The following PRR16 variants were observed in gnomAD, a reference collection of about 807,000 sequenced individuals.
PRR16 encodes proline rich 16, also known as protein Largen.
In PRR16, 6 loss-of-function variants were observed where a neutral mutation model predicts 18.2. That is an observed-to-expected ratio of 0.33 (90% CI 0.18 to 0.65). The LOEUF is 0.65. Ranked by LOEUF, PRR16 falls within the 30% of genes least tolerant of loss-of-function variation. PRR16 has a pLI of 0.74. For missense variants in PRR16, 412 were observed against 376.6 expected, an observed-to-expected ratio of 1.09 and a Z score of -0.78; for synonymous variants, 151 against 147.8, an observed-to-expected ratio of 1.02 and a Z score of -0.16.
chr5:120,485,896 G>A (rs181495527), intron 1 of PRR16, among the ~76,000 whole-genome samples: 10 of 152,050 alleles, frequency 6.6e-5, no homozygotes, highest in East Asian at 1.9e-4. Flanking sequence ...GAGAACATGC[G>A]ACATTTGGTT....
At chr5:120,554,609 G>C (rs549763346) in intron 1 of PRR16, among the ~76,000 whole-genome samples, 206 of 152,022 alleles carry the variant, frequency 1.4e-3, no homozygotes, top group Non-Finnish European at 2.4e-3. Flanking sequence ...ATGTAAATAA[G>C]AGAACTAGCA....
chr5:120,609,888 C>T (rs753760178), intron 1 of PRR16, among the ~76,000 whole-genome samples: 9 of 152,202 alleles, frequency 5.9e-5, no homozygotes, highest in Admixed American at 1.3e-4. Flanking sequence ...CTTTTTGCAC[C>T]GCACTTAGCT....
At chr5:120,793,400 C>T in the PRR16 span, among the ~76,000 whole-genome samples, 1 of 152,020 alleles carries the variant, frequency 6.6e-6, no homozygotes, top group South Asian at 2.1e-4. Context: ...TCCAGTGGCT[C>T]TAACCCAGTG....
the PRR16 span, among the ~76,000 whole-genome samples, chr5:120,734,524 G>A: frequency 6.9e-6 from 1 of 145,156 alleles, no homozygotes; most frequent in Admixed American, 7.2e-5. Context: ...ATGAAAGACA[G>A]TAAGAATGCT....
rs1162710442 is a variant in PRR16, at chr5:120,484,280, T to C, written c.159+19635T>C. 3.4e-5 allele frequency among the ~76,000 whole-genome samples: 5 copies of C among 147,866 alleles called. No homozygotes were observed. In the South Asian group the frequency reaches 8.4e-4, roughly 25 times the overall value. ...TAGTACTGAAAGTTAAAAAAGAAAA[T>C]AAATATATGTCTTATGTATAATATA... On this transcript the variant is annotated intron_variant, in intron 1 of 1. Coordinates refer to ENST00000407149, the MANE Select transcript of PRR16 (RefSeq NM_001300783.2).
chr5:120,701,556 G>T, the PRR16 span, among the ~76,000 whole-genome samples: 1 of 152,182 alleles, frequency 6.6e-6, no homozygotes, highest in Admixed American at 6.5e-5. Flanking sequence ...AGCCGGACCA[G>T]GTGTGAGGAG....
chr5:120,752,843 T>C, the PRR16 span, among the ~76,000 whole-genome samples: 1 of 151,740 alleles, frequency 6.6e-6, no homozygotes, highest in African/African-American at 2.4e-5. Context: ...AAAATGAAAG[T>C]TGAAGTTTCA....
At chr5:120,744,990 C>G in the PRR16 span, among the ~76,000 whole-genome samples, 1 of 152,126 alleles carries the variant, frequency 6.6e-6, no homozygotes. Flanking sequence ...CAAGGAACAC[C>G]TATGAATTTG....
intron 1 of PRR16, among the ~76,000 whole-genome samples, chr5:120,672,521 A>G (rs533146518): frequency 8.0e-6 from 1 of 124,558 alleles, no homozygotes; most frequent in Admixed American, 9.2e-5. Context: ...GCTTTTAATA[A>G]TTTATGTTAT....
chr5:120,712,390 C>G, the PRR16 span, among the ~76,000 whole-genome samples: 1,089 of 152,174 alleles, frequency 7.2e-3, 17 homozygotes, highest in African/African-American at 0.025. Context: ...CTATACGTTT[C>G]TTTCCCACTG....
intron 1 of PRR16, among the ~76,000 whole-genome samples, chr5:120,557,015 A>G (rs1580721947): frequency 6.6e-6 from 1 of 151,820 alleles, no homozygotes; most frequent in African/African-American, 2.4e-5. Flanking sequence ...TTTCTACTAC[A>G]TTATAGAATA....
the PRR16 span, among the ~76,000 whole-genome samples, chr5:120,750,127 G>A: frequency 2.0e-5 from 3 of 152,224 alleles, no homozygotes; most frequent in South Asian, 6.2e-4. Flanking sequence ...TTAGTTGAGT[G>A]TAATATTTTT....
At chr5:120,662,248 A>T (rs949363228) in intron 1 of PRR16, among the ~76,000 whole-genome samples, 2 of 152,028 alleles carry the variant, frequency 1.3e-5, no homozygotes, top group African/African-American at 4.8e-5. Context: ...TAATATTTGG[A>T]TATATTGTAT....
the PRR16 span, among the ~76,000 whole-genome samples, chr5:120,792,989 C>T: frequency 1.3e-5 from 2 of 151,826 alleles, no homozygotes; most frequent in African/African-American, 2.4e-5. Flanking sequence ...CCTGTCTCTA[C>T]AAAAAATAAA....
At chr5:120,651,774 C>A (rs2150132004) in intron 1 of PRR16, among the ~76,000 whole-genome samples, 1 of 152,220 alleles carries the variant, frequency 6.6e-6, no homozygotes, top group East Asian at 1.9e-4. Context: ...ATTCCTCCAG[C>A]TTTGTTCTTT....
At position 120,618,615 on chromosome 5, in the gene PRR16, T is replaced by A. The variant is rs922225430; in HGVS notation, c.160-67339T>A. On this transcript the variant is annotated intron_variant, in intron 1 of 1. Transcript: ENST00000407149. ...AATCACATAAAATGGACAAAAAAGGTATACTGAAAAGAAAATAAATTGTTG... is the reference window on the plus strand; with the variant it reads ...AATCACATAAAATGGACAAAAAAGGAATACTGAAAAGAAAATAAATTGTTG... 3 of 854,070 alleles carry A rather than the reference T, an allele frequency of 3.5e-6. No homozygotes were observed. The African/African-American group carries it at 5.5e-5, about 16-fold the overall frequency. 52.9% of individuals were successfully genotyped at this position (854,070 alleles called of 1,614,324 possible).
At chr5:120,786,320 G>A in the PRR16 span, among the ~76,000 whole-genome samples, 1 of 151,550 alleles carries the variant, frequency 6.6e-6, no homozygotes, top group Non-Finnish European at 1.5e-5. Context: ...TAGATTGTCA[G>A]CCATATTACT....
intron 1 of PRR16, among the ~76,000 whole-genome samples, chr5:120,638,078 A>G (rs1438399719): frequency 2.6e-5 from 4 of 152,126 alleles, no homozygotes; most frequent in African/African-American, 4.8e-5. Flanking sequence ...TGTTTTATAT[A>G]TATCTTATAC....
chr5:120,607,860 T>C (rs1754205762), intron 1 of PRR16, among the ~76,000 whole-genome samples: 1 of 151,906 alleles, frequency 6.6e-6, no homozygotes, highest in Admixed American at 6.6e-5. Flanking sequence ...TTCTAAGACA[T>C]TCTCACCCTT....
Sources: gnomAD v4.1 joint callset for allele counts (sites outside exome capture counted in the v4.1 genomes callset) on GRCh38, gnomAD v4.1.1 for gene constraint, MANE v1.5 for transcripts, NCBI Gene and HGNC (gene_info 2026-07-23, HGNC 2026-07-21) for gene names.